Variants in PPTC7 observed in about 807,000 individuals in gnomAD.
The protein encoded by PPTC7 is protein phosphatase PTC7 homolog.
In PPTC7, 6 loss-of-function variants were observed where a neutral mutation model predicts 30.8. The observed-to-expected ratio is 0.19, with a 90% CI of 0.11 to 0.38. PPTC7 has a LOEUF of 0.38. PPTC7 is among the 10% of genes least tolerant of loss of function. The pLI is 1.00. For missense variants in PPTC7, 218 were observed against 404.8 expected (o/e 0.54, Z 3.96); for synonymous variants, 163 against 168.1 (o/e 0.97, Z 0.23).
intron 1 of PPTC7, among the ~76,000 whole-genome samples, chr12:110,578,514 G>C (rs775962254): frequency 2.0e-5 from 3 of 152,144 alleles, no homozygotes; most frequent in Non-Finnish European, 4.4e-5. Flanking sequence ...TATACAAAAT[G>C]TTGTGAAGCA....
intron 1 of PPTC7, among the ~76,000 whole-genome samples, chr12:110,579,083 A>G (rs1452257473): frequency 6.6e-6 from 1 of 152,032 alleles, no homozygotes; most frequent in African/African-American, 2.4e-5. Flanking sequence ...TGGGAGGCAG[A>G]GGTTGCAGCG....
At chr12:110,552,007 T>C in intron 1 of PPTC7, 39 bp from the exon 2 acceptor site, 4 of 1,544,850 alleles carry the variant, frequency 2.6e-6, no homozygotes, top group Non-Finnish European at 3.6e-6. Flanking sequence ...AGAACAATCT[T>C]ACCAACTTCT....
intron 5 of PPTC7, 117 bp downstream of exon 5, chr12:110,538,027 C>A (rs1262132346): frequency 2.7e-6 from 3 of 1,091,668 alleles, no homozygotes; most frequent in Non-Finnish European, 3.9e-6. Flanking sequence ...GCCACAAGTG[C>A]ACAGTTTGGG....
intron 3 of PPTC7, among the ~76,000 whole-genome samples, chr12:110,541,700 C>CAAAAAAAA (rs748911395): frequency 1.5e-5 from 1 of 66,480 alleles, no homozygotes. Flanking sequence ...AACTCCGTCT[C>CAAAAAAAA]AAAAAAAAAA....
At chr12:110,568,559 A>G (rs1487499505) in intron 1 of PPTC7, among the ~76,000 whole-genome samples, 1 of 152,136 alleles carries the variant, frequency 6.6e-6, no homozygotes, top group Non-Finnish European at 1.5e-5. Context: ...GCCCTCATGC[A>G]TATTCTTTCA....
chr12:110,582,500 T>C (rs749866138), intron 1 of PPTC7, among the ~76,000 whole-genome samples: 1 of 152,178 alleles, frequency 6.6e-6, no homozygotes. Flanking sequence ...CGCCCAGGGC[T>C]GGCACGGCCG....
chr12:110,557,436 C>T (rs554033616), intron 1 of PPTC7, among the ~76,000 whole-genome samples: 29 of 151,960 alleles, frequency 1.9e-4, no homozygotes, highest in African/African-American at 6.3e-4. Flanking sequence ...TGATACACCC[C>T]GCTACTTTTT....
chr12:110,546,379 T>A (rs926241671), intron 2 of PPTC7: 22 of 356,058 alleles, frequency 6.2e-5, no homozygotes, highest in Non-Finnish European at 1.0e-4. Context: ...TCACACTATT[T>A]CATTTCAACA....
intron 2 of PPTC7, 51 bp downstream of exon 2, chr12:110,551,738 T>A: frequency 6.7e-7 from 1 of 1,501,980 alleles, no homozygotes; most frequent in South Asian, 1.2e-5. Context: ...GTTTTGTTTT[T>A]AACTATCTAG....
In PPTC7 at chr12:110,533,518, T is replaced by C. The variant is rs1369791301; in HGVS notation, c.*3519A>G. The C allele has an allele frequency of 1.3e-5, 2 of 152,236 alleles. No homozygotes were observed. The highest frequency in any genetic ancestry group is 3.8e-4 in the East Asian group (2 of 5,208). The allele number at this position is 152,236 out of a possible 1,614,324, so 9.4% of individuals were successfully genotyped here. The stretch of plus-strand genomic sequence containing the variant: ...CACGTTTTAGTTGAGAAGTTCAATT[T>C]TGCAAAGAATTTAATTTTAAATAAA... On this transcript the variant is annotated 3_prime_UTR_variant, in exon 6 of 6. Transcript: ENST00000354300.
intron 1 of PPTC7, among the ~76,000 whole-genome samples, chr12:110,581,730 AT>A (rs1438153859): frequency 6.6e-6 from 1 of 152,254 alleles, no homozygotes; most frequent in Non-Finnish European, 1.5e-5. Context: ...AGATTAAAAA[AT>A]AATTACTGTC....
chr12:110,551,992 G>C, intron 1 of PPTC7, 24 bp from the exon 2 acceptor site: 1 of 1,585,886 alleles, frequency 6.3e-7, no homozygotes, highest in Non-Finnish European at 8.6e-7. Flanking sequence ...AAAAATTACA[G>C]TAAAAGAACA....
At chr12:110,551,709 C>T in intron 2 of PPTC7, 80 bp downstream of exon 2, 3 of 1,309,030 alleles carry the variant, frequency 2.3e-6, no homozygotes, top group South Asian at 1.4e-5. Context: ...AAAAGCTGGT[C>T]CGATAAATGA....
rs1395743393 is a variant in PPTC7 at position 110,546,040 on chromosome 12, T to C, written c.442A>G (p.Ser148Gly). 1 of 1,614,158 alleles carries C rather than the reference T, an allele frequency of 6.2e-7. No homozygotes were observed. Among genetic ancestry groups the C allele is most frequent in the Non-Finnish European group, 8.5e-7 (1 of 1,180,038 alleles). Residue 148 changes from serine to glycine, a missense_variant, in exon 3 of 6, where the codon AGC (serine) becomes GGC (glycine). Transcript: ENST00000354300. ...AGGTTTGCTGTGTGTAAGCGGTGGC[T>C]GGTTCTGTCCAGCACCACAATGCAG... ...TACIVVLDRT[S>G]HRLHTANLGD...
At chr12:110,546,287 T>A (rs1398031231) in intron 2 of PPTC7, 6 of 563,940 alleles carry the variant, frequency 1.1e-5, no homozygotes, top group Non-Finnish European at 1.9e-5. Context: ...AGGATTTGTA[T>A]TATACATAGT....
At chr12:110,545,181 C>T (rs927357986) in intron 3 of PPTC7, among the ~76,000 whole-genome samples, 3 of 151,910 alleles carry the variant, frequency 2.0e-5, no homozygotes, top group African/African-American at 2.4e-5. Flanking sequence ...CAATCTCTGC[C>T]TCCTGGGTTC....
intron 1 of PPTC7, among the ~76,000 whole-genome samples, chr12:110,571,877 T>C (rs1034107996): frequency 3.3e-5 from 5 of 152,218 alleles, no homozygotes; most frequent in Admixed American, 6.5e-5. Context: ...GGCATCCTTA[T>C]TTAGACTTTC....
chr12:110,559,489 G>T (rs2064419124), intron 1 of PPTC7, among the ~76,000 whole-genome samples: 1 of 151,740 alleles, frequency 6.6e-6, no homozygotes, highest in Non-Finnish European at 1.5e-5. Context: ...ACTTTGGGAG[G>T]CCGAGGTGGG....
chr12:110,556,889 A>T (rs1354408819), intron 1 of PPTC7, among the ~76,000 whole-genome samples: 1 of 152,186 alleles, frequency 6.6e-6, no homozygotes, highest in Non-Finnish European at 1.5e-5. Flanking sequence ...ACGAGAATGC[A>T]GCGCCTCAAG....
Sources: allele counts gnomAD v4.1 joint callset (sites outside exome capture counted in the v4.1 genomes callset), GRCh38; gene constraint gnomAD v4.1.1; transcripts MANE v1.5; gene names NCBI Gene and HGNC (gene_info 2026-07-23, HGNC 2026-07-21).